LRP1B: variants seen among roughly 807,000 people sequenced by gnomAD.
LRP1B encodes LDL receptor related protein 1B, also known as low-density lipoprotein receptor-related protein 1B.
In LRP1B, 217 loss-of-function variants were observed where a neutral mutation model predicts 556.6. That is an observed-to-expected ratio of 0.39 (90% CI 0.35 to 0.44). LRP1B has a LOEUF of 0.44. Ranked by LOEUF, LRP1B falls within the 20% of genes least tolerant of loss-of-function variation. The pLI is 1.00. For synonymous variants in LRP1B, 2,047 were observed against 1,865.8 expected (o/e 1.10, Z -2.50); for missense variants, 5,053 against 5,620.8 (o/e 0.90, Z 3.23).
chr2:140,704,585 C>T (rs941564574), intron 37 of LRP1B, among the ~76,000 whole-genome samples: 15 of 151,996 alleles, frequency 9.9e-5, no homozygotes, highest in South Asian at 8.3e-4. Context: ...CTTTAAGGTA[C>T]GCTGTCAGTG....
chr2:141,911,679 C>T (rs984659614), intron 1 of LRP1B, among the ~76,000 whole-genome samples: 1 of 152,148 alleles, frequency 6.6e-6, no homozygotes, highest in Non-Finnish European at 1.5e-5. Context: ...AATGACTCTC[C>T]ATTGTGCTAC....
chr2:141,918,752 T>C (rs757149725), intron 1 of LRP1B, among the ~76,000 whole-genome samples: 3 of 152,140 alleles, frequency 2.0e-5, no homozygotes, highest in Non-Finnish European at 2.9e-5. Context: ...AATAGCCCAG[T>C]AATACTACTT....
intron 18 of LRP1B, among the ~76,000 whole-genome samples, chr2:140,965,324 C>T (rs1380943370): frequency 2.0e-5 from 3 of 150,578 alleles, no homozygotes; most frequent in Non-Finnish European, 3.0e-5. Flanking sequence ...GAAGACTTTG[C>T]TTTTTGTTAT....
intron 2 of LRP1B, among the ~76,000 whole-genome samples, chr2:141,554,251 CCTAGATATAGATTATATATATCT>C (rs774492961): frequency 0.22 from 31,970 of 143,784 alleles, 4,198 homozygotes; most frequent in South Asian, 0.39. Flanking sequence ...TAGGAATAGA[CCTAGATATAGATTATATATATCT>C]ATAGGAATAG....
chr2:140,845,937 A>G (rs1692261354), intron 29 of LRP1B, among the ~76,000 whole-genome samples: 1 of 152,158 alleles, frequency 6.6e-6, no homozygotes, highest in South Asian at 2.1e-4. Flanking sequence ...CAAATTATAG[A>G]GTACAAAGAC....
intron 1 of LRP1B, among the ~76,000 whole-genome samples, chr2:142,089,538 G>A (rs1706080283): frequency 6.6e-6 from 1 of 152,168 alleles, no homozygotes; most frequent in African/African-American, 2.4e-5. Flanking sequence ...AACAGGCCAG[G>A]TCTTACATTT....
At chr2:141,923,363 A>C (rs1700240572) in intron 1 of LRP1B, among the ~76,000 whole-genome samples, 1 of 138,672 alleles carries the variant, frequency 7.2e-6, no homozygotes, top group Non-Finnish European at 1.5e-5. Context: ...TTTTAATGCC[A>C]GGTTGCTAAT....
At chr2:140,283,927 T>C (rs1683019533) in intron 84 of LRP1B, among the ~76,000 whole-genome samples, 1 of 151,670 alleles carries the variant, frequency 6.6e-6, no homozygotes, top group Non-Finnish European at 1.5e-5. Flanking sequence ...GTGAGCAAGC[T>C]GAGTTGCAGA....
intron 11 of LRP1B, among the ~76,000 whole-genome samples, chr2:141,030,519 GAT>G (rs1439086155): frequency 6.6e-6 from 1 of 152,034 alleles, no homozygotes; most frequent in Admixed American, 6.6e-5. Flanking sequence ...ATTCTTCTAT[GAT>G]TAACAATAAA....
At chr2:140,931,606 T>C (rs1302166783) in intron 20 of LRP1B, among the ~76,000 whole-genome samples, 2 of 152,190 alleles carry the variant, frequency 1.3e-5, no homozygotes, top group African/African-American at 2.4e-5. Context: ...TTATCTTTAG[T>C]GTTCAAAACA....
chr2:141,562,166 T>C (rs1415817484), intron 2 of LRP1B, among the ~76,000 whole-genome samples: 1 of 151,912 alleles, frequency 6.6e-6, no homozygotes, highest in Non-Finnish European at 1.5e-5. Flanking sequence ...GGATGTATAA[T>C]GGAGGCTGAG....
intron 1 of LRP1B, among the ~76,000 whole-genome samples, chr2:141,926,245 T>C (rs945374074): frequency 3.9e-5 from 6 of 152,208 alleles, no homozygotes; most frequent in Admixed American, 3.3e-4. Flanking sequence ...AAGCTAGATA[T>C]CTATAGCTTC....
chr2:142,117,304 G>C lies in LRP1B; in HGVS notation c.82+13344C>G, dbSNP rs1020758566. Among the ~76,000 whole-genome samples the C allele has an allele frequency of 2.0e-5, 3 of 152,028 alleles. No individual in the cohort carries two copies. In the South Asian group the frequency reaches 6.2e-4, roughly 31 times the overall value. On this transcript the variant is annotated intron_variant, in intron 1 of 90. Transcript: ENST00000389484. ...GTTCTCTCCCCCGATTCTGCTTTACGTTTAGCAAGGGGGAGGAAGATGTGA... is the reference window on the plus strand; with the variant it reads ...GTTCTCTCCCCCGATTCTGCTTTACCTTTAGCAAGGGGGAGGAAGATGTGA...
rs181584066 is a variant in LRP1B, at chr2:140,271,847, G to A, written c.13143-1501C>T. On this transcript the variant is annotated intron_variant, in intron 85 of 90. Coordinates refer to ENST00000389484, the MANE Select transcript of LRP1B (RefSeq NM_018557.3). ...TGTCTAATAGACTAAGTGCATCTGAGGGACTTTTACTTGTCCTCCATGCCC... is the reference window on the plus strand; with the variant it reads ...TGTCTAATAGACTAAGTGCATCTGAAGGACTTTTACTTGTCCTCCATGCCC... Among the ~76,000 whole-genome samples, 6 of 151,960 alleles carry A rather than the reference G, an allele frequency of 3.9e-5. No homozygotes were observed. The East Asian group carries it at 1.2e-3, about 30-fold the overall frequency.
chr2:141,686,891 T>A (rs961401468), intron 2 of LRP1B, among the ~76,000 whole-genome samples: 1 of 151,996 alleles, frequency 6.6e-6, no homozygotes, highest in Non-Finnish European at 1.5e-5. Flanking sequence ...CCCCTAGCCA[T>A]GTGATGCTCT....
At chr2:141,133,419 A>G (rs1701412054) in intron 7 of LRP1B, among the ~76,000 whole-genome samples, 1 of 151,936 alleles carries the variant, frequency 6.6e-6, no homozygotes, top group African/African-American at 2.4e-5. Flanking sequence ...AACGGACATT[A>G]AGATTCGGAG....
intron 35 of LRP1B, among the ~76,000 whole-genome samples, chr2:140,753,929 C>G (rs1370011578): frequency 6.6e-6 from 1 of 152,078 alleles, no homozygotes; most frequent in Non-Finnish European, 1.5e-5. Context: ...GGAAGACCTC[C>G]CAATCCAGAG....
At chr2:142,099,121 T>G (rs564073574) in intron 1 of LRP1B, among the ~76,000 whole-genome samples, 246 of 151,972 alleles carry the variant, frequency 1.6e-3, no homozygotes, top group South Asian at 1.4e-3. Context: ...CAGTACATAA[T>G]GTACACTTCA....
intron 3 of LRP1B, among the ~76,000 whole-genome samples, chr2:141,261,555 T>C (rs985801540): frequency 6.6e-6 from 1 of 152,118 alleles, no homozygotes; most frequent in Non-Finnish European, 1.5e-5. Context: ...ACTGATTGGT[T>C]TTTATCTCAA....
Sources: allele counts gnomAD v4.1 joint callset (sites outside exome capture counted in the v4.1 genomes callset), GRCh38; gene constraint gnomAD v4.1.1; transcripts MANE v1.5; gene names NCBI Gene and HGNC (gene_info 2026-07-23, HGNC 2026-07-21).